OVCH1: variants seen among roughly 807,000 people sequenced by gnomAD.
OVCH1 encodes ovochymase-1.
In OVCH1, 139 loss-of-function variants were observed where a neutral mutation model predicts 138.4. The ratio of observed to expected loss-of-function variants is 1.00; its 90% confidence interval spans 0.87 to 1.16. The LOEUF is 1.16. Among genes scored for constraint, OVCH1 ranks in the 50% most tolerant of loss-of-function variants. OVCH1 has a pLI of 0.00. For synonymous variants in OVCH1, 453 were observed against 467.8 expected (o/e 0.97, Z 0.41); for missense variants, 1,367 against 1,357.9 (o/e 1.01, Z -0.11).
At chr12:29,496,499 CAA>C in intron 2 of OVCH1, 55 bp downstream of exon 2, 1 of 1,453,746 alleles carries the variant, frequency 6.9e-7, no homozygotes, top group South Asian at 1.3e-5. Context: ...GCTTTCGAAA[CAA>C]AGGAAATATT....
At chr12:29,455,049 G>T in intron 20 of OVCH1, 116 bp from the exon 21 acceptor site, 1 of 1,159,908 alleles carries the variant, frequency 8.6e-7, no homozygotes, top group Non-Finnish European at 1.2e-6. Context: ...CAGGATTAAA[G>T]CAGCCTAAGG....
downstream of OVCH1, among the ~76,000 whole-genome samples, chr12:29,424,730 C>A (rs562707985): frequency 3.3e-5 from 5 of 152,274 alleles, no homozygotes; most frequent in East Asian, 9.7e-4. Flanking sequence ...TCCATAATAA[C>A]CTGCCATATT....
chr12:29,475,206 A>C lies in OVCH1; in HGVS notation c.1472-17T>G. 1 of 1,407,630 alleles carries C rather than the reference A, an allele frequency of 7.1e-7. No individual in the cohort carries two copies. 87.2% of individuals were successfully genotyped at this position (1,407,630 alleles called of 1,614,324 possible). A position where few individuals can be genotyped will look rare whatever the true frequency, so the allele number is the denominator to read the frequency against. On this transcript the variant is annotated splice_polypyrimidine_tract_variant and intron_variant, in intron 13 of 27. Coordinates refer to ENST00000318184, the Ensembl canonical transcript of OVCH1. Reference sequence around the variant, plus strand: ...AAAGTTTAGCTGAAAAAATTTTAGGAAAGTTTGATTTATAGTTATATTTTT... The same window carrying C: ...AAAGTTTAGCTGAAAAAATTTTAGGCAAGTTTGATTTATAGTTATATTTTT...
chr12:29,421,122 GACTA>G (rs1216998005), intron 3 of OVCH1, among the ~76,000 whole-genome samples: 1 of 152,192 alleles, frequency 6.6e-6, no homozygotes, highest in African/African-American at 2.4e-5. Context: ...GGGTGCTGCA[GACTA>G]ACTAGCCAGG....
intron 3 of OVCH1, among the ~76,000 whole-genome samples, chr12:29,419,080 A>G (rs1463640083): frequency 6.6e-6 from 1 of 151,836 alleles, no homozygotes; most frequent in East Asian, 1.9e-4. Context: ...CTGATCTCAA[A>G]CTCCCAGCCC....
chr12:29,474,687 C>T (rs948090468), intron 14 of OVCH1, among the ~76,000 whole-genome samples: 1 of 152,194 alleles, frequency 6.6e-6, no homozygotes, highest in African/African-American at 2.4e-5. Context: ...CGTACTTTAT[C>T]TTCCAGAGTG....
chr12:29,452,198 G>A (rs967281658), intron 21 of OVCH1, among the ~76,000 whole-genome samples: 2 of 151,994 alleles, frequency 1.3e-5, no homozygotes, highest in East Asian at 1.9e-4. Context: ...AACTTTCTAA[G>A]CAATTAAAAA....
downstream of OVCH1, among the ~76,000 whole-genome samples, chr12:29,426,495 G>A (rs1941181221): frequency 6.6e-6 from 1 of 152,152 alleles, no homozygotes; most frequent in Non-Finnish European, 1.5e-5. Context: ...ACTAGCTCAA[G>A]AGTTCTATCT....
exon 23 of OVCH1, chr12:29,445,380 A>G (rs1441840735): frequency 6.2e-7 from 1 of 1,610,874 alleles, no homozygotes; most frequent in Middle Eastern, 1.7e-4. Context: ...GTCATTGAGT[A>G]AAGTCTTCTT....
At chr12:29,462,775 A>G (rs1187711709) in intron 18 of OVCH1, among the ~76,000 whole-genome samples, 2 of 152,328 alleles carry the variant, frequency 1.3e-5, no homozygotes, top group East Asian at 1.9e-4. Flanking sequence ...CTGATCTCAC[A>G]TATGAAAAAG....
intron 12 of OVCH1, among the ~76,000 whole-genome samples, chr12:29,476,767 A>G (rs754156730): frequency 0.36 from 29,568 of 82,818 alleles, 3,551 homozygotes; most frequent in Admixed American, 0.51. Context: ...ACACACACAC[A>G]CACACACACA....
chr12:29,484,447 T>C (rs774251177), intron 8 of OVCH1, among the ~76,000 whole-genome samples: 1 of 152,070 alleles, frequency 6.6e-6, no homozygotes. Flanking sequence ...TCAAAAAATA[T>C]CAGATAAAAT....
At chr12:29,441,836 G>C (rs1407465897) in intron 25 of OVCH1, among the ~76,000 whole-genome samples, 2 of 152,086 alleles carry the variant, frequency 1.3e-5, no homozygotes, top group Admixed American at 6.6e-5. Context: ...CTTCTCAAAA[G>C]AAGACATTTA....
intron 8 of OVCH1, among the ~76,000 whole-genome samples, chr12:29,480,299 A>G (rs1051463952): frequency 3.9e-5 from 6 of 152,308 alleles, no homozygotes; most frequent in Non-Finnish European, 8.8e-5. Context: ...GAGAGAAATT[A>G]CCCATTTCCA....
intron 27 of OVCH1, among the ~76,000 whole-genome samples, chr12:29,431,415 A>G (rs1941265273): frequency 6.6e-6 from 1 of 152,062 alleles, no homozygotes; most frequent in South Asian, 2.1e-4. Flanking sequence ...TGCAGCCTGA[A>G]CAGAGCAAGA....
intron 14 of OVCH1, among the ~76,000 whole-genome samples, chr12:29,473,305 T>C (rs1430412636): frequency 6.6e-6 from 1 of 152,178 alleles, no homozygotes; most frequent in African/African-American, 2.4e-5. Context: ...TTTTAAGCAC[T>C]TCTTCCTTCC....
chr12:29,451,625 C>T, intron 21 of OVCH1, 56 bp from the exon 22 acceptor site: 1 of 1,383,172 alleles, frequency 7.2e-7, no homozygotes, highest in South Asian at 1.3e-5. Context: ...CAAAGAAAAA[C>T]CAGATTCTAT....
chr12:29,431,563 T>C (rs1270712311), intron 27 of OVCH1, among the ~76,000 whole-genome samples: 1 of 146,314 alleles, frequency 6.8e-6, no homozygotes, highest in African/African-American at 2.6e-5. Context: ...ATTACAACAT[T>C]TTCCCCCTAT....
intron 12 of OVCH1, 105 bp downstream of exon 12, chr12:29,476,997 A>T (rs909958516): frequency 7.7e-7 from 1 of 1,298,260 alleles, no homozygotes; most frequent in African/African-American, 1.5e-5. Flanking sequence ...TGGCTAAAAG[A>T]AGCTCCTAGT....
Sources: gnomAD v4.1 joint callset for allele counts (sites outside exome capture counted in the v4.1 genomes callset) on GRCh38, gnomAD v4.1.1 for gene constraint, MANE v1.5 for transcripts, NCBI Gene and HGNC (gene_info 2026-07-23, HGNC 2026-07-21) for gene names.